Variants in SOX13 observed in about 807,000 individuals in gnomAD.
The protein encoded by SOX13 is SRY-box transcription factor 13, also known as transcription factor SOX-13.
A neutral mutation model predicts 71.8 loss-of-function variants in SOX13; 28 were observed. That is an observed-to-expected ratio of 0.39 (90% CI 0.29 to 0.53). The LOEUF (loss-of-function observed/expected upper bound fraction) is 0.53, where lower values mean the gene tolerates loss of function less well. Ranked by LOEUF, SOX13 falls within the 20% of genes least tolerant of loss-of-function variation. SOX13 has a pLI of 0.70. For synonymous variants in SOX13, 309 were observed against 317.8 expected (o/e 0.97, Z 0.29); for missense variants, 627 against 810.3 (o/e 0.77, Z 2.75).
intron 1 of SOX13, among the ~76,000 whole-genome samples, chr1:204,093,203 G>C (rs554030825): frequency 6.6e-6 from 1 of 152,144 alleles, no homozygotes; most frequent in Non-Finnish European, 1.5e-5. Flanking sequence ...ACTGTTTCTC[G>C]AATGCTAGCT....
intron 1 of SOX13, among the ~76,000 whole-genome samples, chr1:204,106,551 C>A (rs1488152050): frequency 6.9e-6 from 1 of 145,134 alleles, no homozygotes. Context: ...GGAGTTTTCG[C>A]TGTTGTTGCC....
In SOX13 at chr1:204,088,938, G is replaced by A. The variant is rs552864944; in HGVS notation, c.-2+15227G>A. 1.5e-4 allele frequency among the ~76,000 whole-genome samples: 23 copies of A among 152,276 alleles called. 1 individual carries two copies. The South Asian group carries it at 4.8e-3, about 32-fold the overall frequency. On this transcript the variant is annotated intron_variant, in intron 1 of 13. Transcript: ENST00000367204. ...ATGAAGGGAGATGCTGGTGGGTTGA[G>A]GGGAGCCTCCAGTGGTCCAGAGGGT...
Position 204,121,135 on chromosome 1 carries a change from G to A in SOX13, c.776-765G>A, listed in dbSNP as rs367622693. 5.3e-5 allele frequency among the ~76,000 whole-genome samples: 8 copies of A among 151,882 alleles called. No homozygotes were observed. The East Asian group carries it at 7.8e-4, about 15-fold the overall frequency. On this transcript the variant is annotated intron_variant, in intron 7 of 13. Coordinates refer to ENST00000367204, the MANE Select transcript of SOX13 (RefSeq NM_005686.3). ...TCTGGGATTACAGGCGCGTGCCACC[G>A]CACCCGGCTAATTTTTGTATTTTTA... is the stretch of plus-strand genomic sequence containing the variant.
chr1:204,098,484 A>C (rs1259732448), intron 1 of SOX13, among the ~76,000 whole-genome samples: 2 of 152,108 alleles, frequency 1.3e-5, no homozygotes, highest in African/African-American at 4.8e-5. Flanking sequence ...AAAAAAAAAA[A>C]AATTTTGTTG....
chr1:204,113,375 C>T (rs1412897879), intron 2 of SOX13, among the ~76,000 whole-genome samples: 1 of 152,234 alleles, frequency 6.6e-6, no homozygotes, highest in East Asian at 1.9e-4. Flanking sequence ...TTGATAGTGA[C>T]AGTTCACCTA....
chr1:204,102,081 G>A (rs575844645), intron 1 of SOX13, among the ~76,000 whole-genome samples: 12 of 152,258 alleles, frequency 7.9e-5, no homozygotes, highest in African/African-American at 2.4e-4. Context: ...CCAATGCTGC[G>A]TGTCTCCCAG....
chr1:204,093,731 G>C (rs1656194036), intron 1 of SOX13, among the ~76,000 whole-genome samples: 2 of 152,220 alleles, frequency 1.3e-5, no homozygotes, highest in Admixed American at 1.3e-4. Context: ...GTGGAATTCT[G>C]TCTTCAAGTA....
At chr1:204,118,898 A>C (rs779981695) in intron 7 of SOX13, 1 of 152,126 alleles carries the variant, frequency 6.6e-6, no homozygotes, top group Non-Finnish European at 1.5e-5. Flanking sequence ...TGGGGAGTGG[A>C]GGGGAGACTG....
Position 204,122,355 on chromosome 1 carries a change from G to T in SOX13, c.980G>T (p.Gly327Val). The part of the protein sequence containing the change: ...SCVPRPPSHG[G>V]PTRDLQSSPP... ...GTGCCCCGCCCCCCCAGCCATGGAG[G>T]CCCCACGCGGGACCTGCAGTCCAGC... Residue 327 changes from glycine (G) to valine (V), a missense_variant, in exon 9 of 14, where the codon GGC becomes GTC. Gly to Val is a moderately radical substitution (Grantham distance 109). Transcript: ENST00000367204. 1 of 1,563,788 alleles carries T rather than the reference G, an allele frequency of 6.4e-7. No individual in the cohort carries two copies. Among genetic ancestry groups the T allele is most frequent in the Non-Finnish European group, 8.7e-7 (1 of 1,153,760 alleles).
intron 1 of SOX13, among the ~76,000 whole-genome samples, chr1:204,092,890 C>T (rs1656175268): frequency 2.1e-5 from 2 of 97,340 alleles, no homozygotes; most frequent in African/African-American, 9.4e-5. Context: ...TACTTAGCCT[C>T]TCTGTGTTTC....
Position 204,117,181 on chromosome 1 carries a change from G to A in SOX13, c.651G>A (p.Gln217=). ...AGCATAAGATCAACCTCCTTCAGCA[G>A]CAGATCCAGGTAACCGGAGGGGAGA... The part of the protein sequence containing the change: ...QQQHKINLLQ[Q]QIQQVNMPYV... The change falls in exon 6 of 14, where the codon CAG becomes CAA. Residue 217 remains glutamine (Q), a synonymous_variant. Transcript: ENST00000367204. The A allele has an allele frequency of 6.2e-7, 1 of 1,614,002 alleles. No individual in the cohort carries two copies. Among genetic ancestry groups the A allele is most frequent in the African/African-American group, 1.3e-5 (1 of 75,044 alleles).
At chr1:204,105,386 C>T (rs1308850054) in intron 1 of SOX13, among the ~76,000 whole-genome samples, 2 of 149,364 alleles carry the variant, frequency 1.3e-5, no homozygotes, top group African/African-American at 5.1e-5. Context: ...CCCCAGCTGG[C>T]TGAAGGCCTC....
intron 1 of SOX13, among the ~76,000 whole-genome samples, chr1:204,089,188 G>A (rs913949522): frequency 3.3e-5 from 5 of 151,130 alleles, no homozygotes; most frequent in Admixed American, 2.6e-4. Context: ...TGCATGGGGG[G>A]GTGGGGAAGA....
Position 204,124,775 on chromosome 1 carries a change from G to C in SOX13, c.1510G>C (p.Glu504Gln). The C allele has an allele frequency of 6.2e-7, 1 of 1,603,828 alleles. No individual in the cohort carries two copies. Among genetic ancestry groups the C allele is most frequent in the South Asian group, 1.1e-5 (1 of 88,918 alleles). The change falls in exon 13 of 14, where the codon GAG (glutamate) becomes CAG (glutamine). Residue 504 changes from glutamate to glutamine, a missense_variant. Physicochemically the swap from Glu to Gln is conservative, Grantham distance 29 (BLOSUM62 2). This residue lies in a region of SOX13 where 148 missense variants were observed against 192.7 expected (regional missense o/e 0.77). Coordinates refer to ENST00000367204, the MANE Select transcript of SOX13 (RefSeq NM_005686.3). ...GCGGCCCAAGCGCACCTGCATCGTGGAGGGCAAGCGGCTGCGCGTGGGAGA... is the reference window on the plus strand; with the variant it reads ...GCGGCCCAAGCGCACCTGCATCGTGCAGGGCAAGCGGCTGCGCGTGGGAGA... ...KPRPKRTCIV[E>Q]GKRLRVGEYK...
At chr1:204,124,433 G>A (rs1226143259) in intron 12 of SOX13, among the ~76,000 whole-genome samples, 1 of 152,254 alleles carries the variant, frequency 6.6e-6, no homozygotes, top group Non-Finnish European at 1.5e-5. Flanking sequence ...TCTTAAGCTG[G>A]CAGTTGGATA....
At chr1:204,109,943 C>T (rs911467391) in intron 1 of SOX13, among the ~76,000 whole-genome samples, 1 of 152,134 alleles carries the variant, frequency 6.6e-6, no homozygotes. Context: ...AGAGATTCTC[C>T]TGCCTCAGCC....
Position 204,123,291 on chromosome 1 carries a change from CT to C in SOX13, c.1231+84del, listed in dbSNP as rs1400047567. On this transcript the variant is annotated intron_variant, in intron 11 of 13. Transcript: ENST00000367204. This position sits in a 1 kb window ranked among gnomAD's most constrained non-coding sequence, Gnocchi z 5.0. ...GGCCAGGGCTGTGTCTGCCTCTGAT[CT>C]CTTCCCTCCCTTGGTCTGTTGGGTC... 34 of 1,116,086 alleles carry C rather than the reference CT, an allele frequency of 3.0e-5. No individual in the cohort carries two copies. The East Asian group carries it at 8.0e-4, about 26-fold the overall frequency. The allele number at this position is 1,116,086 out of a possible 1,614,324, so 69.1% of individuals were successfully genotyped here.
At chr1:204,104,420 T>G (rs1656418701) in intron 1 of SOX13, among the ~76,000 whole-genome samples, 1 of 152,104 alleles carries the variant, frequency 6.6e-6, no homozygotes, top group African/African-American at 2.4e-5. Flanking sequence ...AGAGATAGGA[T>G]CGGGTGTAGC....
In SOX13 at chr1:204,112,993, A is replaced by G; in HGVS notation, c.78A>G (p.Ser26=). The change falls in exon 2 of 14, where the codon TCA becomes TCG. Residue 26 remains serine (S), a synonymous_variant. Coordinates refer to ENST00000367204, the MANE Select transcript of SOX13 (RefSeq NM_005686.3). ...VGTMVNCTIK[S]EEKKEPCHEA... is the part of the protein sequence containing the mutation. ...CCATGGTGAACTGCACCATCAAGTC[A>G]GAGGAGAAGAAAGAGCCTTGCCACG... 1 of 1,613,598 alleles carries G rather than the reference A, an allele frequency of 6.2e-7. No individual in the cohort carries two copies.
Sources: allele counts gnomAD v4.1 joint callset (sites outside exome capture counted in the v4.1 genomes callset), GRCh38; gene constraint gnomAD v4.1.1; regional missense constraint gnomAD v4.1.1; non-coding constraint Gnocchi (gnomAD v3.1); transcripts MANE v1.5; gene names NCBI Gene and HGNC (gene_info 2026-07-23, HGNC 2026-07-21).